Variants in ZNF385D observed in about 807,000 individuals in gnomAD.
ZNF385D encodes the protein zinc finger protein 659.
ZNF385D carries 15 observed loss-of-function variants against 35.8 expected under a neutral mutation model. The observed-to-expected ratio is 0.42, with a 90% CI of 0.28 to 0.64. ZNF385D has a LOEUF of 0.64. Ranked by LOEUF, ZNF385D falls within the 30% of genes least tolerant of loss-of-function variation. ZNF385D has a pLI of 0.23. For synonymous variants in ZNF385D, 212 were observed against 186.8 expected (o/e 1.13, Z -1.10); for missense variants, 474 against 494.6 (o/e 0.96, Z 0.39).
intron 3 of ZNF385D, among the ~76,000 whole-genome samples, chr3:21,910,119 C>T (rs753219930): frequency 2.8e-4 from 38 of 136,954 alleles, no homozygotes; most frequent in South Asian, 1.2e-3. Flanking sequence ...AGCCAATTAT[C>T]TTCCTTCTTT....
chr3:21,520,486 T>A (rs1048778900), intron 3 of ZNF385D, among the ~76,000 whole-genome samples: 1 of 152,228 alleles, frequency 6.6e-6, no homozygotes, highest in African/African-American at 2.4e-5. Flanking sequence ...TCTCTGTCAT[T>A]CTTTGGCACT....
chr3:21,831,347 T>C (rs1287125243), intron 3 of ZNF385D, among the ~76,000 whole-genome samples: 5 of 152,130 alleles, frequency 3.3e-5, no homozygotes, highest in Non-Finnish European at 7.4e-5. Flanking sequence ...ATACAAAGTA[T>C]TGTGGCAAGA....
chr3:21,788,477 T>C (rs2071793776), intron 3 of ZNF385D, among the ~76,000 whole-genome samples: 1 of 152,192 alleles, frequency 6.6e-6, no homozygotes, highest in South Asian at 2.1e-4. Flanking sequence ...AGACTCTGAA[T>C]TACCTAGAGA....
chr3:21,774,995 G>A (rs2071227798), intron 3 of ZNF385D, among the ~76,000 whole-genome samples: 1 of 151,816 alleles, frequency 6.6e-6, no homozygotes. Flanking sequence ...GTCAACCACT[G>A]CAGTTAAAAT....
intron 3 of ZNF385D, among the ~76,000 whole-genome samples, chr3:22,029,457 C>T (rs879620652): frequency 6.6e-6 from 1 of 152,188 alleles, no homozygotes; most frequent in Non-Finnish European, 1.5e-5. Flanking sequence ...AACCCGCGAC[C>T]TGCTGAGGTG....
At chr3:21,686,065 C>T (rs2067093525) in intron 1 of ZNF385D, among the ~76,000 whole-genome samples, 1 of 151,926 alleles carries the variant, frequency 6.6e-6, no homozygotes, top group South Asian at 2.1e-4. Flanking sequence ...ACAGTCTAGG[C>T]TTTCATGTGA....
chr3:22,265,872 G>A (rs576933040), intron 2 of ZNF385D, among the ~76,000 whole-genome samples: 2 of 151,938 alleles, frequency 1.3e-5, no homozygotes, highest in Non-Finnish European at 2.9e-5. Flanking sequence ...TAGAGGTTAA[G>A]CCACATACCT....
exon 2 of ZNF385D, chr3:22,372,702 G>C (rs369148952): frequency 2.5e-5 from 4 of 157,582 alleles, no homozygotes; most frequent in Non-Finnish European, 4.1e-5. Flanking sequence ...CCTCCGGCAC[G>C]GGCTGGAGGT....
At chr3:21,987,153 AT>A (rs1380281526) in intron 3 of ZNF385D, among the ~76,000 whole-genome samples, 1 of 133,212 alleles carries the variant, frequency 7.5e-6, no homozygotes, top group African/African-American at 3.1e-5. Context: ...TAATTGGAGA[AT>A]TTAGTCCATT....
At chr3:21,586,233 G>T (rs2063807712) in intron 2 of ZNF385D, among the ~76,000 whole-genome samples, 1 of 152,050 alleles carries the variant, frequency 6.6e-6, no homozygotes, top group South Asian at 2.1e-4. Flanking sequence ...AAGTATGTTG[G>T]AATACAAATA....
chr3:21,902,187 A>C (rs1331370091), intron 3 of ZNF385D, among the ~76,000 whole-genome samples: 1 of 152,210 alleles, frequency 6.6e-6, no homozygotes, highest in Non-Finnish European at 1.5e-5. Flanking sequence ...ATTTAAGCTT[A>C]AAACCTTCAA....
intron 2 of ZNF385D, among the ~76,000 whole-genome samples, chr3:22,321,033 T>A (rs753807492): frequency 6.6e-6 from 1 of 151,946 alleles, no homozygotes; most frequent in African/African-American, 2.4e-5. Context: ...TATGATTTGA[T>A]ACATGCAAGC....
intron 3 of ZNF385D, among the ~76,000 whole-genome samples, chr3:21,784,468 C>A (rs1207917134): frequency 1.3e-5 from 2 of 151,932 alleles, no homozygotes; most frequent in African/African-American, 2.4e-5. Flanking sequence ...TAAAGAAATT[C>A]AAATAGTCTA....
chr3:21,854,859 G>C (rs1364387634), intron 3 of ZNF385D, among the ~76,000 whole-genome samples: 1 of 151,992 alleles, frequency 6.6e-6, no homozygotes, highest in Non-Finnish European at 1.5e-5. Flanking sequence ...GGGTAACAGT[G>C]ATATGGCCAG....
chr3:21,807,180 G>C (rs1006087341), intron 3 of ZNF385D, among the ~76,000 whole-genome samples: 1 of 152,102 alleles, frequency 6.6e-6, no homozygotes. Context: ...AAGTTTAATA[G>C]TATACTTTAT....
intron 3 of ZNF385D, among the ~76,000 whole-genome samples, chr3:22,047,237 C>CT (rs747390373): frequency 7.3e-5 from 11 of 151,390 alleles, no homozygotes; most frequent in African/African-American, 1.7e-4. Flanking sequence ...AGCTCACATA[C>CT]TTTTTTTTTG....
chr3:22,131,395 A>C (rs1376415217), intron 3 of ZNF385D, among the ~76,000 whole-genome samples: 1 of 152,182 alleles, frequency 6.6e-6, no homozygotes, highest in Admixed American at 6.6e-5. Flanking sequence ...AGAAAGAAAG[A>C]AAGCTCTTTC....
intron 3 of ZNF385D, among the ~76,000 whole-genome samples, chr3:21,758,285 T>C (rs78114454): frequency 0.11 from 17,122 of 152,220 alleles, 1,397 homozygotes; most frequent in East Asian, 0.41. Flanking sequence ...CAACATATCC[T>C]AGAACATAGC....
chr3:21,618,888 G>T (rs1264266675), intron 2 of ZNF385D, among the ~76,000 whole-genome samples: 3 of 152,232 alleles, frequency 2.0e-5, no homozygotes, highest in Admixed American at 6.5e-5. Context: ...CTCTGACCGT[G>T]TGTCACTACA....
Sources: allele counts gnomAD v4.1 joint callset (sites outside exome capture counted in the v4.1 genomes callset), GRCh38; gene constraint gnomAD v4.1.1; transcripts MANE v1.5; gene names NCBI Gene and HGNC (gene_info 2026-07-23, HGNC 2026-07-21).